Variants in SLC39A6 observed in about 807,000 individuals in gnomAD.
The protein encoded by SLC39A6 is zinc transporter ZIP6.
In SLC39A6, 51 loss-of-function variants were observed where a neutral mutation model predicts 63.5. The observed-to-expected ratio is 0.80, with a 90% CI of 0.64 to 1.01. The LOEUF (loss-of-function observed/expected upper bound fraction) is 1.01. Among genes scored for constraint, SLC39A6 ranks in the 50% least tolerant of loss-of-function variants. The pLI is 0.00. For missense variants in SLC39A6, 805 were observed against 927.8 expected (o/e 0.87, Z 1.72); for synonymous variants, 318 against 324.7 (o/e 0.98, Z 0.22).
At chr18:36,115,634 G>C (rs575709504) in intron 6 of SLC39A6, among the ~76,000 whole-genome samples, 1 of 152,132 alleles carries the variant, frequency 6.6e-6, no homozygotes, top group East Asian at 1.9e-4. Context: ...CTCAGAGAAC[G>C]GTATTCCAAG....
intron 7 of SLC39A6, 107 bp downstream of exon 7, chr18:36,113,990 A>C (rs1024601491): frequency 1.5e-6 from 2 of 1,333,324 alleles, no homozygotes; most frequent in Admixed American, 2.9e-5. Flanking sequence ...CTTGGAAGTC[A>C]CTAATATCCT....
At chr18:36,123,795 A>G (rs971141970) in intron 3 of SLC39A6, 131 bp from the exon 4 acceptor site, 2 of 835,726 alleles carry the variant, frequency 2.4e-6, no homozygotes, top group Admixed American at 3.1e-5. Flanking sequence ...TTCAATGCAA[A>G]TAGGACCTAC....
At chr18:36,120,259 T>G in intron 5 of SLC39A6, among the ~76,000 whole-genome samples, 1 of 152,140 alleles carries the variant, frequency 6.6e-6, no homozygotes, top group Non-Finnish European at 1.5e-5. Context: ...TTTTTTTCTT[T>G]TTGAGATAAT....
chr18:36,127,124 G>A (rs2089446686), intron 1 of SLC39A6, 108 bp from the exon 2 acceptor site: 5 of 984,096 alleles, frequency 5.1e-6, no homozygotes, highest in African/African-American at 1.6e-5. Context: ...AGTTGCCAGA[G>A]CATCATGTGG....
chr18:36,122,026 T>A, intron 5 of SLC39A6, 26 bp downstream of exon 5: 1 of 1,477,646 alleles, frequency 6.8e-7, no homozygotes, highest in Non-Finnish European at 9.4e-7. Flanking sequence ...TGAAGCATAG[T>A]AAGTACTCGG....
chr18:36,127,730 A>AT (rs1259660585), intron 1 of SLC39A6, among the ~76,000 whole-genome samples: 2 of 148,392 alleles, frequency 1.3e-5, no homozygotes, highest in African/African-American at 2.5e-5. Context: ...CCCTCAGGAT[A>AT]TTTTCTATGC....
intron 9 of SLC39A6, 38 bp downstream of exon 9, chr18:36,111,021 G>C (rs1252621206): frequency 6.2e-6 from 10 of 1,606,094 alleles, no homozygotes; most frequent in Non-Finnish European, 8.5e-6. Context: ...CTATTTTATT[G>C]TTGGTCAATA....
At chr18:36,110,126 CTT>C (rs1263085397) in intron 9 of SLC39A6, among the ~76,000 whole-genome samples, 1 of 152,026 alleles carries the variant, frequency 6.6e-6, no homozygotes, top group Non-Finnish European at 1.5e-5. Flanking sequence ...TACATATTGT[CTT>C]TGATTGCTTA....
In SLC39A6 at chr18:36,126,400, T is replaced by C. The variant is rs763314901; in HGVS notation, c.608A>G (p.Glu203Gly). 5.0e-6 allele frequency: 8 copies of C among 1,614,146 alleles called. No homozygotes were observed. The highest frequency in any genetic ancestry group is 6.8e-6 in the Non-Finnish European group (8 of 1,180,060). The change falls in exon 2 of 10, where the codon GAG (glutamate) becomes GGG (glycine). Residue 203 changes from glutamate (E) to glycine (G), a missense_variant. Physicochemically the swap from Glu to Gly is moderately conservative, Grantham distance 98. Around this residue, in one of 4 missense-constraint regions of SLC39A6, gnomAD observed 639 missense variants for 644.0 expected, o/e 0.99. Coordinates refer to ENST00000269187, the MANE Select transcript of SLC39A6 (RefSeq NM_012319.4). The stretch of plus-strand genomic sequence containing the variant: ...TCCAGGTCTTGGAGTCTCTATTGTC[T>C]CTAGAAAGTGAGTTCCTTCAGAGAC... ...NTVSEGTHFL[E>G]TIETPRPGKL...
chr18:36,127,671 C>T (rs745887818), intron 1 of SLC39A6, among the ~76,000 whole-genome samples: 26 of 152,204 alleles, frequency 1.7e-4, no homozygotes, highest in Admixed American at 8.5e-4. Context: ...CATTTAAGAC[C>T]CCTTTCCCCA....
chr18:36,114,098 A>C lies in SLC39A6; in HGVS notation c.1842T>G (p.Ile614Met). The change falls in exon 7 of 10, where the codon ATT (isoleucine) becomes ATG (methionine). Residue 614 changes from isoleucine to methionine, a missense_variant and splice_region_variant. Physicochemically the swap from Ile to Met is conservative, Grantham distance 10. This residue lies in a region of SLC39A6 where 145 missense variants were observed against 227.2 expected (regional missense o/e 0.64). Transcript: ENST00000269187. Reference protein sequence around the residue: ...GLHNFSDGLAIGAAFTEGLSS... With the variant: ...GLHNFSDGLAMGAAFTEGLSS... Reference sequence around the variant, plus strand: ...AGGAACAAATATGTAGATATATACCAATTGCTAGGCCATCGCTGAAATTGT... The same window carrying C: ...AGGAACAAATATGTAGATATATACCCATTGCTAGGCCATCGCTGAAATTGT... The C allele has an allele frequency of 6.3e-7, 1 of 1,590,940 alleles. No individual in the cohort carries two copies. Among genetic ancestry groups the C allele is most frequent in the Non-Finnish European group, 8.6e-7 (1 of 1,167,234 alleles).
rs1426395520 is a variant in SLC39A6 at position 36,124,503 on chromosome 18, A to G, written c.970+17T>C. The G allele has an allele frequency of 6.7e-7, 1 of 1,498,014 alleles. No homozygotes were observed. Among genetic ancestry groups the G allele is most frequent in the Non-Finnish European group, 9.1e-7 (1 of 1,101,806 alleles). The allele number at this position is 1,498,014 out of a possible 1,614,324, so 92.8% of individuals were successfully genotyped here. Reference sequence around the variant, plus strand: ...GAATCTACTGAAATTGTTTTTACATAAAAAAGGCAATTTTACCTATTTGTA... The same window carrying G: ...GAATCTACTGAAATTGTTTTTACATGAAAAAGGCAATTTTACCTATTTGTA... On this transcript the variant is annotated intron_variant, in intron 3 of 9. Coordinates refer to ENST00000269187, the MANE Select transcript of SLC39A6 (RefSeq NM_012319.4).
Position 36,112,556 on chromosome 18 carries a change from T to C in SLC39A6, c.1869A>G (p.Ser623=). 1 of 1,613,778 alleles carries C rather than the reference T, an allele frequency of 6.2e-7. No homozygotes were observed. The highest frequency in any genetic ancestry group is 1.7e-4 in the Middle Eastern group (1 of 6,058). ...CAGCAACAGAAGTACTTAAACCACTTGATAAGCCTTCAGTAAAAGCAGCAC... is the reference window on the plus strand; with the variant it reads ...CAGCAACAGAAGTACTTAAACCACTCGATAAGCCTTCAGTAAAAGCAGCAC... ...AIGAAFTEGL[S]SGLSTSVAVF... The change falls in exon 8 of 10, where the codon TCA becomes TCG. Residue 623 remains serine, a synonymous_variant. Coordinates refer to ENST00000269187, the MANE Select transcript of SLC39A6 (RefSeq NM_012319.4).
In SLC39A6 at chr18:36,129,328, G is replaced by A. The variant is rs7242529; in HGVS notation, c.-224C>T. The A allele has an allele frequency of 8.5e-3, 1,378 of 161,738 alleles. 28 individuals are homozygous for A. Among genetic ancestry groups the A allele is most frequent in the African/African-American group, 0.03 (1,244 of 41,602 alleles). The allele number at this position is 161,738 out of a possible 1,614,324, so 10.0% of individuals were successfully genotyped here. The stretch of plus-strand genomic sequence containing the variant: ...CGCGCCCCTAGCCTTCGCGAAGCTG[G>A]AAGACAATCACTAATTACCGCCGCG... On this transcript the variant is annotated 5_prime_UTR_variant, in exon 1 of 10. Coordinates refer to ENST00000269187, the MANE Select transcript of SLC39A6 (RefSeq NM_012319.4).
rs1480101029 is a variant in SLC39A6 at position 36,122,228 on chromosome 18, C to T, written c.1183G>A (p.Ala395Thr). 4 of 1,613,888 alleles carry T rather than the reference C, an allele frequency of 2.5e-6. No homozygotes were observed. In the Admixed American group the frequency reaches 5.0e-5, roughly 20 times the overall value. Residue 395 changes from alanine (A) to threonine (T), a missense_variant, in exon 5 of 10, where the codon GCA becomes ACA. By Grantham distance (58) the Ala-to-Thr change is moderately conservative. Around this residue, in one of 4 missense-constraint regions of SLC39A6, gnomAD observed 639 missense variants for 644.0 expected, o/e 0.99. Transcript: ENST00000269187. ...HHHSHSHEEP[A>T]MEMKRGPLFS... ...AGTGGTCCTCTTTTCATTTCCATTGCTGGTTCTTCATGGCTATGACTATGG... is the reference window on the plus strand; with the variant it reads ...AGTGGTCCTCTTTTCATTTCCATTGTTGGTTCTTCATGGCTATGACTATGG...
chr18:36,115,841 C>G (rs2089341059), intron 6 of SLC39A6, among the ~76,000 whole-genome samples: 1 of 152,170 alleles, frequency 6.6e-6, no homozygotes, highest in Non-Finnish European at 1.5e-5. Flanking sequence ...GCCAAGCAAA[C>G]AGCCAAGTTT....
intron 6 of SLC39A6, among the ~76,000 whole-genome samples, chr18:36,114,784 A>G (rs905671296): frequency 2.2e-4 from 34 of 152,180 alleles, no homozygotes; most frequent in Admixed American, 2.2e-3. Flanking sequence ...TCCTCATCCT[A>G]AGAGAAGAAC....
In SLC39A6 at chr18:36,112,501, C is replaced by T. The variant is rs1361128360; in HGVS notation, c.1924G>A (p.Gly642Ser). The change falls in exon 8 of 10, where the codon GGT becomes AGT. Residue 642 changes from glycine (G) to serine (S), a missense_variant and splice_region_variant. This residue lies in a region of SLC39A6 where 145 missense variants were observed against 227.2 expected (regional missense o/e 0.64). Coordinates refer to ENST00000269187, the MANE Select transcript of SLC39A6 (RefSeq NM_012319.4). ...VFCHELPHEL[G>S]DFAVLLKAGM... ...AATACAATTTATGTGGTTCTCTTAC[C>T]TAATTCATGAGGCAACTCATGACAG... 1.2e-6 allele frequency: 2 copies of T among 1,609,886 alleles called. No homozygotes were observed. Among genetic ancestry groups the T allele is most frequent in the Non-Finnish European group, 1.7e-6 (2 of 1,176,878 alleles).
intron 4 of SLC39A6, among the ~76,000 whole-genome samples, chr18:36,123,137 C>G (rs2089407743): frequency 6.6e-6 from 1 of 152,196 alleles, no homozygotes. Context: ...CTCCAAGTTT[C>G]TTGGGTACAT....
Sources: gnomAD v4.1 joint callset for allele counts (sites outside exome capture counted in the v4.1 genomes callset) on GRCh38, gnomAD v4.1.1 for gene constraint, gnomAD v4.1.1 regional missense constraint, MANE v1.5 for transcripts, NCBI Gene and HGNC (gene_info 2026-07-23, HGNC 2026-07-21) for gene names.